The following RPS23 variants were observed in gnomAD, a reference collection of about 807,000 sequenced individuals.
RPS23 encodes the protein ribosomal protein S23, also known as small ribosomal subunit protein uS12.
For synonymous variants in RPS23, 66 were observed against 60.4 expected (o/e 1.09, Z -0.43); for missense variants, 73 against 174.5 (o/e 0.42, Z 3.28).
chr5:82,273,387 C>G lies in RPS23; in HGVS notation c.*2722G>C, dbSNP rs2112042144. Reference sequence around the variant, plus strand: ...CTACAGCCTTAAAATCTGAGCTCCTCAAGTGCACAATTTCTGTCCCTTTTA... The same window carrying G: ...CTACAGCCTTAAAATCTGAGCTCCTGAAGTGCACAATTTCTGTCCCTTTTA... On this transcript the variant is annotated 3_prime_UTR_variant, in exon 4 of 4. Coordinates refer to ENST00000296674, the MANE Select transcript of RPS23 (RefSeq NM_001025.5). 2.0e-5 allele frequency: 3 copies of G among 149,548 alleles called. No individual in the cohort carries two copies. In the South Asian group the frequency reaches 6.2e-4, roughly 31 times the overall value. 9.3% of individuals were successfully genotyped at this position (149,548 alleles called of 1,614,324 possible).
At position 82,275,119 on chromosome 5, in the gene RPS23, G is replaced by C. The variant is rs1193872013; in HGVS notation, c.*990C>G. 4.5e-6 allele frequency: 3 copies of C among 667,496 alleles called. No individual in the cohort carries two copies. The highest frequency in any genetic ancestry group is 2.8e-4 in the Middle Eastern group (1 of 3,620). The allele number at this position is 667,496 out of a possible 1,614,324, so 41.3% of individuals were successfully genotyped here. A position where few individuals can be genotyped will look rare whatever the true frequency, so the allele number is the denominator to read the frequency against. ...GAAAGGTTCTGCTCTTGATCCTACGGAAAGTGGGCAACCAAACCAATTGTT... is the reference window on the plus strand; with the variant it reads ...GAAAGGTTCTGCTCTTGATCCTACGCAAAGTGGGCAACCAAACCAATTGTT... On this transcript the variant is annotated 3_prime_UTR_variant, in exon 4 of 4. Coordinates refer to ENST00000296674, the MANE Select transcript of RPS23 (RefSeq NM_001025.5).
At chr5:82,278,151 G>T in intron 1 of RPS23, 169 bp downstream of exon 1, 1 of 893,010 alleles carries the variant, frequency 1.1e-6, no homozygotes, top group Non-Finnish European at 1.7e-6. Flanking sequence ...CACGCCTCAT[G>T]GGCCCCTTCC....
At chr5:82,276,852 A>AAAG (rs1554062972) in intron 2 of RPS23, 1 of 245,086 alleles carries the variant, frequency 4.1e-6, no homozygotes. Context: ...TCTCAAAAAA[A>AAAG]AAAAAAGAAA....
At chr5:82,277,955 G>A (rs1581867625) in intron 1 of RPS23, 103 bp from the exon 2 acceptor site, 4 of 1,066,952 alleles carry the variant, frequency 3.7e-6, no homozygotes, top group South Asian at 1.5e-5. Context: ...TAAGCCGATT[G>A]GCTCTCGTAC....
rs1747759062 is a variant in RPS23 at position 82,275,743 on chromosome 5, CAAG to C, written c.*363_*365del. On this transcript the variant is annotated 3_prime_UTR_variant, in exon 4 of 4. Transcript: ENST00000296674. ...GTGTTGCACCCGATATGGAAAATAC[CAAG>C]AATAAAAAAGAAAGTATCTCACTAG... 2 of 246,884 alleles carry C rather than the reference CAAG, an allele frequency of 8.1e-6. No individual in the cohort carries two copies. The highest frequency in any genetic ancestry group is 1.1e-4 in the South Asian group (1 of 9,040). 15.3% of individuals were successfully genotyped at this position (246,884 alleles called of 1,614,324 possible).
At position 82,276,019 on chromosome 5, in the gene RPS23, T is replaced by G; in HGVS notation, c.*90A>C. The G allele has an allele frequency of 4.8e-6, 6 of 1,260,714 alleles. No homozygotes were observed. The highest frequency in any genetic ancestry group is 6.7e-6 in the Non-Finnish European group (6 of 900,654). The allele number at this position is 1,260,714 out of a possible 1,614,324, so 78.1% of individuals were successfully genotyped here. ...GGGGGGGTGGTGGTGGTAATGAACATGATCTTCGTGGTGAGAACAGGGGAC... is the reference window on the plus strand; with the variant it reads ...GGGGGGGTGGTGGTGGTAATGAACAGGATCTTCGTGGTGAGAACAGGGGAC... On this transcript the variant is annotated 3_prime_UTR_variant, in exon 4 of 4. Transcript: ENST00000296674.
At position 82,275,366 on chromosome 5, in the gene RPS23, C is replaced by T. The variant is rs1747750869; in HGVS notation, c.*743G>A. The T allele has an allele frequency of 1.4e-6, 1 of 701,486 alleles. No homozygotes were observed. The highest frequency in any genetic ancestry group is 2.6e-6 in the Non-Finnish European group (1 of 384,508). The allele number at this position is 701,486 out of a possible 1,614,324, so 43.5% of individuals were successfully genotyped here. A position where few individuals can be genotyped will look rare whatever the true frequency, so the allele number is the denominator to read the frequency against. ...CCTAGCTTAAATTATCAAAACACAA[C>T]CAATCTTGTCTCTACACTAAACCAC... On this transcript the variant is annotated 3_prime_UTR_variant, in exon 4 of 4. Transcript: ENST00000296674.
At chr5:82,277,874 T>C in intron 1 of RPS23, 22 bp from the exon 2 acceptor site, 1 of 1,608,786 alleles carries the variant, frequency 6.2e-7, no homozygotes, top group Admixed American at 1.7e-5. Context: ...ATATTTTAGT[T>C]CTTCCGTAAA....
chr5:82,277,318 G>C (rs148218736), intron 2 of RPS23: 127 of 283,478 alleles, frequency 4.5e-4, no homozygotes, highest in African/African-American at 2.8e-3. Flanking sequence ...TTAGGTGTAT[G>C]ACCTCAATTA....
rs1204471976 is a variant in RPS23 at position 82,274,229 on chromosome 5, G to C, written c.*1880C>G. 1 of 151,940 alleles carries C rather than the reference G, an allele frequency of 6.6e-6. No individual in the cohort carries two copies. Among genetic ancestry groups the C allele is most frequent in the Non-Finnish European group, 1.5e-5 (1 of 68,004 alleles). 9.4% of individuals were successfully genotyped at this position (151,940 alleles called of 1,614,324 possible). A position where few individuals can be genotyped will look rare whatever the true frequency, so the allele number is the denominator to read the frequency against. ...TCTTATTTTATTGATGTGTATTTTT[G>C]TCTCTCCTCCATGGATACATGAAGG... On this transcript the variant is annotated 3_prime_UTR_variant, in exon 4 of 4. Transcript: ENST00000296674.
rs907193378 is a variant in RPS23, at chr5:82,275,893, C to CA, written c.*215dup. The CA allele has an allele frequency of 1.9e-6, 1 of 531,550 alleles. No individual in the cohort carries two copies. The highest frequency in any genetic ancestry group is 1.9e-5 in the African/African-American group (1 of 52,002). The allele number at this position is 531,550 out of a possible 1,614,324, so 32.9% of individuals were successfully genotyped here. A position where few individuals can be genotyped will look rare whatever the true frequency, so the allele number is the denominator to read the frequency against. On this transcript the variant is annotated 3_prime_UTR_variant, in exon 4 of 4. Transcript: ENST00000296674. ...GGATGAGGGAAACTGTGCCAGGTTA[C>CA]AAATGTTATTAACTCTAGAGAATCC...
Position 82,277,872 on chromosome 5 carries a change from G to C in RPS23, c.5-20C>G. 6.2e-7 allele frequency: 1 copy of C among 1,608,854 alleles called. No individual in the cohort carries two copies. Among genetic ancestry groups the C allele is most frequent in the Non-Finnish European group, 8.5e-7 (1 of 1,177,198 alleles). ...ACTTGCCTAAAAATTAAATATTTTA[G>C]TTCTTCCGTAAAAACACGCCATCTA... On this transcript the variant is annotated intron_variant, in intron 1 of 3. Coordinates refer to ENST00000296674, the MANE Select transcript of RPS23 (RefSeq NM_001025.5).
At position 82,273,633 on chromosome 5, in the gene RPS23, G is replaced by A. The variant is rs1747708115; in HGVS notation, c.*2476C>T. 7.4e-6 allele frequency: 1 copy of A among 135,798 alleles called. No homozygotes were observed. Among genetic ancestry groups the A allele is most frequent in the African/African-American group, 3.6e-5 (1 of 27,734 alleles). The allele number at this position is 135,798 out of a possible 1,614,324, so 8.4% of individuals were successfully genotyped here. A position where few individuals can be genotyped will look rare whatever the true frequency, so the allele number is the denominator to read the frequency against. ...CAGGCAGGCCCAGGGCTGGTTTCAGGCCTGGTGCCGGGCTGCCTGTCTTTG... is the reference window on the plus strand; with the variant it reads ...CAGGCAGGCCCAGGGCTGGTTTCAGACCTGGTGCCGGGCTGCCTGTCTTTG... On this transcript the variant is annotated 3_prime_UTR_variant, in exon 4 of 4. Coordinates refer to ENST00000296674, the MANE Select transcript of RPS23 (RefSeq NM_001025.5).
At position 82,275,719 on chromosome 5, in the gene RPS23, T is replaced by C; in HGVS notation, c.*390A>G. On this transcript the variant is annotated 3_prime_UTR_variant, in exon 4 of 4. Coordinates refer to ENST00000296674, the MANE Select transcript of RPS23 (RefSeq NM_001025.5). ...GTGCAATGAAATTTGGTAACTGAAGTGTTGCACCCGATATGGAAAATACCA... is the reference window on the plus strand; with the variant it reads ...GTGCAATGAAATTTGGTAACTGAAGCGTTGCACCCGATATGGAAAATACCA... 4.0e-6 allele frequency: 1 copy of C among 247,264 alleles called. No homozygotes were observed. 15.3% of individuals were successfully genotyped at this position (247,264 alleles called of 1,614,324 possible). A position where few individuals can be genotyped will look rare whatever the true frequency, so the allele number is the denominator to read the frequency against.
At chr5:82,277,517 C>A in intron 2 of RPS23, 176 bp downstream of exon 2, 1 of 688,164 alleles carries the variant, frequency 1.5e-6, no homozygotes, top group South Asian at 1.7e-5. Flanking sequence ...TACCTAATTC[C>A]CAAAAACTAA....
rs1209249205 is a variant in RPS23, at chr5:82,275,420, T to C, written c.*689A>G. ...ATTTGCTGACTAGTCTTTGAAGACA[T>C]GAAGGTCTCTGACAACCTCATGAGA... On this transcript the variant is annotated 3_prime_UTR_variant, in exon 4 of 4. Coordinates refer to ENST00000296674, the MANE Select transcript of RPS23 (RefSeq NM_001025.5). 14 of 662,360 alleles carry C rather than the reference T, an allele frequency of 2.1e-5. No homozygotes were observed. The highest frequency in any genetic ancestry group is 3.0e-5 in the Non-Finnish European group (11 of 367,712). 41.0% of individuals were successfully genotyped at this position (662,360 alleles called of 1,614,324 possible). A position where few individuals can be genotyped will look rare whatever the true frequency, so the allele number is the denominator to read the frequency against.
rs1747721729 is a variant in RPS23 at position 82,274,370 on chromosome 5, A to G, written c.*1739T>C. On this transcript the variant is annotated 3_prime_UTR_variant, in exon 4 of 4. Transcript: ENST00000296674. ...GGATCTGAGGCGCCGGAGATTATTT[A>G]TGGGTCAATCTGGCAGCCCCTGGGC... The G allele has an allele frequency of 6.6e-6, 1 of 152,344 alleles. No individual in the cohort carries two copies. The highest frequency in any genetic ancestry group is 6.5e-5 in the Admixed American group (1 of 15,286). 9.4% of individuals were successfully genotyped at this position (152,344 alleles called of 1,614,324 possible). A position where few individuals can be genotyped will look rare whatever the true frequency, so the allele number is the denominator to read the frequency against.
rs1385624156 is a variant in RPS23, at chr5:82,275,931, G to A, written c.*178C>T. 10 of 608,578 alleles carry A rather than the reference G, an allele frequency of 1.6e-5. No homozygotes were observed. Among genetic ancestry groups the A allele is most frequent in the East Asian group, 8.5e-5 (3 of 35,454 alleles). 37.7% of individuals were successfully genotyped at this position (608,578 alleles called of 1,614,324 possible). A position where few individuals can be genotyped will look rare whatever the true frequency, so the allele number is the denominator to read the frequency against. ...CTCTAGAGAATCCTGAAACAACCCT[G>A]TCTTATTGTCTCCTAAAATTGGTAC... On this transcript the variant is annotated 3_prime_UTR_variant, in exon 4 of 4. Coordinates refer to ENST00000296674, the MANE Select transcript of RPS23 (RefSeq NM_001025.5).
rs1344819352 is a variant in RPS23 at position 82,275,492 on chromosome 5, T to G, written c.*617A>C. ...TGTCGTATACCTTATCTCCCTTGCCTGGCATATACTTCCATCAACTAAATG... is the reference window on the plus strand; with the variant it reads ...TGTCGTATACCTTATCTCCCTTGCCGGGCATATACTTCCATCAACTAAATG... On this transcript the variant is annotated 3_prime_UTR_variant, in exon 4 of 4. Coordinates refer to ENST00000296674, the MANE Select transcript of RPS23 (RefSeq NM_001025.5). 5.0e-6 allele frequency: 3 copies of G among 600,034 alleles called. No individual in the cohort carries two copies. The highest frequency in any genetic ancestry group is 8.9e-6 in the Non-Finnish European group (3 of 337,000). The allele number at this position is 600,034 out of a possible 1,614,324, so 37.2% of individuals were successfully genotyped here.
Sources: gnomAD v4.1 joint callset for allele counts on GRCh38, gnomAD v4.1.1 for gene constraint, MANE v1.5 for transcripts, NCBI Gene and HGNC (gene_info 2026-07-23, HGNC 2026-07-21) for gene names.